Variants in SATB2 observed in about 807,000 individuals in gnomAD.
SATB2 encodes the protein DNA-binding protein SATB2.
Under a neutral mutation model 73.4 loss-of-function variants are expected in SATB2, and 1 was observed. The ratio of observed to expected loss-of-function variants is 0.01; its 90% confidence interval spans 0.00 to 0.06. The LOEUF is 0.06. Among genes scored for constraint, SATB2 ranks in the 10% least tolerant of loss-of-function variants. The pLI is 1.00. For missense variants in SATB2, 459 were observed against 945.8 expected (o/e 0.49, Z 6.75); for synonymous variants, 397 against 367.0 (o/e 1.08, Z -0.93).
intron 8 of SATB2, among the ~76,000 whole-genome samples, chr2:199,326,700 G>T (rs1688038622): frequency 6.6e-6 from 1 of 152,074 alleles, no homozygotes; most frequent in Admixed American, 6.6e-5. Flanking sequence ...GATGAATTTA[G>T]CAGAAGTAAA....
intron 3 of SATB2, among the ~76,000 whole-genome samples, chr2:199,427,049 T>TGTATTA (rs1371391596): frequency 6.6e-6 from 1 of 152,142 alleles, no homozygotes; most frequent in Non-Finnish European, 1.5e-5. Flanking sequence ...GGCTAATTTT[T>TGTATTA]GTATTTTTAG....
At chr2:199,439,696 C>T (rs1691753959) in intron 2 of SATB2, among the ~76,000 whole-genome samples, 1 of 152,120 alleles carries the variant, frequency 6.6e-6, no homozygotes, top group Non-Finnish European at 1.5e-5. Flanking sequence ...TTCTCATTAT[C>T]TCTCTCTGTC....
At chr2:199,444,626 A>T (rs1314757393) in intron 2 of SATB2, among the ~76,000 whole-genome samples, 1 of 152,336 alleles carries the variant, frequency 6.6e-6, no homozygotes, top group Non-Finnish European at 1.5e-5. Context: ...AATACAAAAT[A>T]ACAGAAACAC....
chr2:199,272,388 C>T lies in SATB2; in HGVS notation c.2025G>A (p.Lys675=), dbSNP rs759621584. ...CCGCGGAGCCCAGGTGCTCTTTCAG[C>T]TTCCCGTGGTGCTTCACGTGGTACC... ...NQRYHVKHHG[K]LKEHLGSAVD... The change falls in exon 11 of 11, where the codon AAG becomes AAA. Residue 675 remains lysine, a synonymous_variant. Coordinates refer to ENST00000417098, the MANE Select transcript of SATB2 (RefSeq NM_001172509.2). The surrounding 1 kb of genome is among the most constrained non-coding windows in gnomAD (Gnocchi z 6.7). The T allele has an allele frequency of 6.2e-7, 1 of 1,614,198 alleles. No individual in the cohort carries two copies. Among genetic ancestry groups the T allele is most frequent in the Admixed American group, 1.7e-5 (1 of 60,020 alleles).
chr2:199,440,138 A>T (rs1002155657), intron 2 of SATB2, among the ~76,000 whole-genome samples: 2 of 152,192 alleles, frequency 1.3e-5, no homozygotes, highest in African/African-American at 4.8e-5. Flanking sequence ...GAAAAGCCTG[A>T]GTGCCTAAAA....
At chr2:199,419,591 C>T (rs1691104179) in intron 3 of SATB2, among the ~76,000 whole-genome samples, 1 of 152,174 alleles carries the variant, frequency 6.6e-6, no homozygotes, top group Non-Finnish European at 1.5e-5. Context: ...GAAAGCAGTG[C>T]CGCCTGGGAA....
At chr2:199,391,040 T>C (rs1690117217) in intron 3 of SATB2, among the ~76,000 whole-genome samples, 1 of 152,210 alleles carries the variant, frequency 6.6e-6, no homozygotes, top group African/African-American at 2.4e-5. Flanking sequence ...TAACCTGATT[T>C]CACAGTAATT....
chr2:199,449,749 C>G (rs1426940061), intron 2 of SATB2, among the ~76,000 whole-genome samples: 1 of 152,094 alleles, frequency 6.6e-6, no homozygotes, highest in African/African-American at 2.4e-5. Context: ...ATTTTCACCA[C>G]AGACATTTTC....
chr2:199,458,641 G>A (rs1204136695), upstream of SATB2: 3 of 438,856 alleles, frequency 6.8e-6, no homozygotes, highest in South Asian at 4.8e-5. Context: ...CGCGTCTGCC[G>A]GCGGAGACGC....
chr2:199,364,370 G>C (rs1050563010), intron 6 of SATB2, among the ~76,000 whole-genome samples: 4 of 152,058 alleles, frequency 2.6e-5, no homozygotes, highest in Non-Finnish European at 4.4e-5. Flanking sequence ...CTGGACGTTT[G>C]ATCTTGCAAG....
intron 9 of SATB2, among the ~76,000 whole-genome samples, chr2:199,309,859 A>T (rs1687546870): frequency 6.6e-6 from 1 of 152,242 alleles, no homozygotes; most frequent in South Asian, 2.1e-4. Context: ...AGGTGCATAA[A>T]CACGAATGAC....
chr2:199,311,970 G>A (rs1687608899), intron 9 of SATB2, among the ~76,000 whole-genome samples: 1 of 151,866 alleles, frequency 6.6e-6, no homozygotes, highest in Non-Finnish European at 1.5e-5. Context: ...GAGATAAAGG[G>A]TCCCCATATT....
chr2:199,373,118 T>C (rs546767408), intron 5 of SATB2, among the ~76,000 whole-genome samples: 3 of 152,258 alleles, frequency 2.0e-5, no homozygotes, highest in South Asian at 4.1e-4. Flanking sequence ...TAAAGCAATG[T>C]GAAGAATTAC....
At chr2:199,273,379 T>C (rs760956639) in intron 10 of SATB2, among the ~76,000 whole-genome samples, 1 of 152,206 alleles carries the variant, frequency 6.6e-6, no homozygotes, top group Non-Finnish European at 1.5e-5. Flanking sequence ...CCATGAGTCA[T>C]AGTTTGCCTC....
In SATB2 at chr2:199,448,569, C is replaced by T. The variant is rs183240301; in HGVS notation, c.169+7300G>A. 1.9e-4 allele frequency among the ~76,000 whole-genome samples: 29 copies of T among 152,270 alleles called. No homozygotes were observed. In the East Asian group the frequency reaches 5.2e-3, roughly 27 times the overall value. On this transcript the variant is annotated intron_variant, in intron 2 of 10. Coordinates refer to ENST00000417098, the MANE Select transcript of SATB2 (RefSeq NM_001172509.2). ...TCTACGACAAACCCCTGCAAATCAC[C>T]TCTGTCAGATCTTAGCACTTTGGAA...
chr2:199,294,887 A>G (rs987392227), intron 10 of SATB2, among the ~76,000 whole-genome samples: 2 of 152,128 alleles, frequency 1.3e-5, no homozygotes, highest in East Asian at 3.8e-4. Context: ...TCCCTAATTT[A>G]CTTTTTTTAA....
intron 7 of SATB2, among the ~76,000 whole-genome samples, chr2:199,340,286 G>A (rs1480549168): frequency 6.6e-6 from 1 of 152,134 alleles, no homozygotes; most frequent in African/African-American, 2.4e-5. Context: ...ATGAGGACAG[G>A]TCAACAAAAT....
intron 10 of SATB2, among the ~76,000 whole-genome samples, chr2:199,302,230 T>C (rs1687307548): frequency 6.6e-6 from 1 of 152,162 alleles, no homozygotes; most frequent in South Asian, 2.1e-4. Flanking sequence ...TTCAGCTTTG[T>C]GATTATCACT....
intron 7 of SATB2, 175 bp from the exon 8 acceptor site, chr2:199,329,085 G>A (rs1027956801): frequency 4.9e-5 from 33 of 666,964 alleles, no homozygotes; most frequent in Non-Finnish European, 1.4e-5. Flanking sequence ...TTGCCTTCCG[G>A]GGGATATGCA....
Sources: gnomAD v4.1 joint callset for allele counts (sites outside exome capture counted in the v4.1 genomes callset) on GRCh38, gnomAD v4.1.1 for gene constraint, Gnocchi (gnomAD v3.1) non-coding constraint, MANE v1.5 for transcripts, NCBI Gene and HGNC (gene_info 2026-07-23, HGNC 2026-07-21) for gene names.